Variants in ESR1 observed in about 807,000 individuals in gnomAD.
The protein encoded by ESR1 is estrogen receptor.
ESR1 carries 12 observed loss-of-function variants against 52.7 expected under a neutral mutation model. That is an observed-to-expected ratio of 0.23 (90% CI 0.15 to 0.37). The LOEUF (loss-of-function observed/expected upper bound fraction) is 0.37. Among genes scored for constraint, ESR1 ranks in the 10% least tolerant of loss-of-function variants. The pLI, the probability that ESR1 is intolerant of heterozygous loss-of-function variation, is 1.00. For synonymous variants in ESR1, 305 were observed against 316.8 expected (o/e 0.96, Z 0.39); for missense variants, 584 against 779.7 (o/e 0.75, Z 2.99).
chr6:151,656,688 G>A (rs1285176667), upstream of ESR1: 7 of 152,082 alleles, frequency 4.6e-5, no homozygotes, highest in South Asian at 4.1e-4. Flanking sequence ...AGAAATAATC[G>A]CAGAGCCTCA....
chr6:152,048,913 G>A (rs780305653), intron 5 of ESR1, among the ~76,000 whole-genome samples: 2 of 152,168 alleles, frequency 1.3e-5, no homozygotes, highest in Admixed American at 6.5e-5. Flanking sequence ...GTTCATCTAA[G>A]TAGAGCAGAG....
chr6:151,815,539 G>GC (rs1779483540), intron 1 of ESR1, among the ~76,000 whole-genome samples: 1 of 152,190 alleles, frequency 6.6e-6, no homozygotes, highest in Non-Finnish European at 1.5e-5. Flanking sequence ...TGGGAGAAAG[G>GC]CCATTTAGGA....
At chr6:151,824,633 A>C (rs1376421883) in intron 1 of ESR1, among the ~76,000 whole-genome samples, 5 of 152,198 alleles carry the variant, frequency 3.3e-5, no homozygotes, top group African/African-American at 1.2e-4. Flanking sequence ...AAGGATACTT[A>C]AAGTATAAGG....
intron 3 of ESR1, among the ~76,000 whole-genome samples, chr6:151,943,574 A>G (rs2035357541): frequency 6.6e-6 from 1 of 152,142 alleles, no homozygotes; most frequent in African/African-American, 2.4e-5. Context: ...GCAGGTTAGT[A>G]ACAGTGAAGG....
chr6:151,951,392 T>C (rs2036307445), intron 4 of ESR1, among the ~76,000 whole-genome samples: 1 of 152,216 alleles, frequency 6.6e-6, no homozygotes, highest in Non-Finnish European at 1.5e-5. Flanking sequence ...TATGACCCAT[T>C]GGCCTACTCG....
chr6:151,886,183 A>G (rs978789690), intron 3 of ESR1, among the ~76,000 whole-genome samples: 6 of 152,156 alleles, frequency 3.9e-5, no homozygotes, highest in East Asian at 1.9e-4. Context: ...TATGCTGAAT[A>G]TAGCTGAATG....
intron 2 of ESR1, among the ~76,000 whole-genome samples, chr6:151,792,889 G>A (rs1026795514): frequency 1.3e-5 from 2 of 152,072 alleles, no homozygotes; most frequent in Non-Finnish European, 2.9e-5. Context: ...AAATGTTTTA[G>A]TCTGAGTGCG....
chr6:151,763,798 AGACTCCT>A (rs1784836707), intron 2 of ESR1, among the ~76,000 whole-genome samples: 1 of 152,208 alleles, frequency 6.6e-6, no homozygotes, highest in Admixed American at 6.5e-5. Context: ...AGAATGAACA[AGACTCCT>A]GACTTAAGCT....
intron 2 of ESR1, among the ~76,000 whole-genome samples, chr6:151,783,672 T>C (rs2128124462): frequency 6.6e-6 from 1 of 152,366 alleles, no homozygotes; most frequent in Non-Finnish European, 1.5e-5. Flanking sequence ...CCCGTATTAG[T>C]AACTAACATC....
At chr6:151,680,276 T>C (rs1161288200) in intron 1 of ESR1, among the ~76,000 whole-genome samples, 2 of 148,790 alleles carry the variant, frequency 1.3e-5, no homozygotes, top group Non-Finnish European at 3.0e-5. Flanking sequence ...CCATCTCGAC[T>C]CATTGCAATC....
At chr6:152,020,078 A>C (rs1397297003) in intron 5 of ESR1, among the ~76,000 whole-genome samples, 1 of 152,186 alleles carries the variant, frequency 6.6e-6, no homozygotes, top group African/African-American at 2.4e-5. Flanking sequence ...CCAGCCTCTC[A>C]TCATTCGCAT....
chr6:151,972,290 C>T (rs2038989470), intron 4 of ESR1, among the ~76,000 whole-genome samples: 1 of 152,134 alleles, frequency 6.6e-6, no homozygotes, highest in South Asian at 2.1e-4. Context: ...GGAATCCTCC[C>T]TAAATCATTT....
chr6:151,838,061 G>A (rs764255892), intron 1 of ESR1, among the ~76,000 whole-genome samples: 14 of 152,136 alleles, frequency 9.2e-5, no homozygotes, highest in Non-Finnish European at 1.6e-4. Context: ...ATGCAGTGGT[G>A]CAATCATAGC....
At chr6:151,672,847 G>A (rs1006815171) in intron 1 of ESR1, among the ~76,000 whole-genome samples, 1 of 64,096 alleles carries the variant, frequency 1.6e-5, no homozygotes, top group Non-Finnish European at 3.2e-5. Context: ...TTTTTTTTTT[G>A]AGATGGAGTC....
intron 5 of ESR1, among the ~76,000 whole-genome samples, chr6:152,057,335 G>C (rs531191056): frequency 6.6e-6 from 1 of 152,224 alleles, no homozygotes; most frequent in African/African-American, 2.4e-5. Context: ...GGATAATTTA[G>C]CAAAACTATC....
upstream of ESR1, among the ~76,000 whole-genome samples, chr6:151,801,856 C>A (rs1291683674): frequency 6.6e-6 from 1 of 152,222 alleles, no homozygotes; most frequent in Non-Finnish European, 1.5e-5. Flanking sequence ...GCATGCCCAG[C>A]ACTTTGCTGG....
intron 2 of ESR1, among the ~76,000 whole-genome samples, chr6:151,723,807 T>C (rs551248656): frequency 6.6e-6 from 1 of 152,104 alleles, no homozygotes; most frequent in East Asian, 1.9e-4. Context: ...GAGGCCGAGG[T>C]TGCAGTGAGC....
At chr6:151,671,797 G>A (rs1012239840) in intron 1 of ESR1, among the ~76,000 whole-genome samples, 6 of 151,924 alleles carry the variant, frequency 3.9e-5, no homozygotes, top group African/African-American at 1.5e-4. Context: ...TTCAAGATCA[G>A]CCTGGCCAAC....
intron 6 of ESR1, among the ~76,000 whole-genome samples, chr6:152,068,030 A>G (rs768397401): frequency 2.0e-5 from 3 of 152,194 alleles, no homozygotes; most frequent in Non-Finnish European, 4.4e-5. Flanking sequence ...TTAAATACAA[A>G]CTAAGAGGGA....
Sources: gnomAD v4.1 joint callset for allele counts (sites outside exome capture counted in the v4.1 genomes callset) on GRCh38, gnomAD v4.1.1 for gene constraint, MANE v1.5 for transcripts, NCBI Gene and HGNC (gene_info 2026-07-23, HGNC 2026-07-21) for gene names.